The following SLIT3 variants were observed in gnomAD, a reference collection of about 807,000 sequenced individuals.
SLIT3 encodes the protein slit homolog 3 protein.
SLIT3 carries 68 observed loss-of-function variants against 184.0 expected under a neutral mutation model. The ratio of observed to expected loss-of-function variants is 0.37; its 90% CI spans 0.30 to 0.45. SLIT3 has a LOEUF of 0.45. Among genes scored for constraint, SLIT3 ranks in the 20% least tolerant of loss-of-function variants. SLIT3 has a pLI of 1.00. For missense variants in SLIT3, 1,707 were observed against 2,026.0 expected (o/e 0.84, Z 3.02); for synonymous variants, 831 against 828.6 (o/e 1.00, Z -0.05).
At chr5:169,093,084 T>A (rs1759649897) in intron 4 of SLIT3, among the ~76,000 whole-genome samples, 1 of 152,196 alleles carries the variant, frequency 6.6e-6, no homozygotes, top group Non-Finnish European at 1.5e-5. Flanking sequence ...TAAGGGCAAG[T>A]GACAGAAACT....
chr5:168,993,275 G>A (rs62378622), intron 4 of SLIT3, among the ~76,000 whole-genome samples: 5,556 of 152,310 alleles, frequency 0.036, 120 homozygotes, highest in Middle Eastern at 0.051. Context: ...CTGCTGTGAG[G>A]GTCAGGGCTC....
At chr5:168,707,640 G>T (rs939702589) in intron 26 of SLIT3, 3 of 215,210 alleles carry the variant, frequency 1.4e-5, no homozygotes, top group African/African-American at 6.9e-5. Context: ...GAAATTGGGA[G>T]AGTGGGCTCA....
intron 8 of SLIT3, among the ~76,000 whole-genome samples, chr5:168,811,680 G>A (rs777678973): frequency 6.6e-6 from 1 of 152,164 alleles, no homozygotes; most frequent in Non-Finnish European, 1.5e-5. Context: ...CCCCATCCCA[G>A]TTTGAATGGT....
chr5:168,772,720 C>T, intron 14 of SLIT3, 61 bp downstream of exon 14: 1 of 1,585,816 alleles, frequency 6.3e-7, no homozygotes, highest in Non-Finnish European at 8.6e-7. Flanking sequence ...GGATTATTGG[C>T]CTCTCTGGGG....
chr5:168,861,398 C>T (rs1428265231), intron 5 of SLIT3, among the ~76,000 whole-genome samples: 1 of 147,592 alleles, frequency 6.8e-6, no homozygotes, highest in Non-Finnish European at 1.5e-5. Context: ...GTCCCCAACC[C>T]CTGCCCCCCG....
chr5:169,246,764 C>T (rs988976370), intron 2 of SLIT3, among the ~76,000 whole-genome samples: 4 of 151,256 alleles, frequency 2.6e-5, no homozygotes, highest in African/African-American at 9.7e-5. Flanking sequence ...ACTGAAAATA[C>T]AAAAATGAGC....
intron 21 of SLIT3, 90 bp from the exon 22 acceptor site, chr5:168,723,094 C>T: frequency 2.3e-6 from 2 of 858,238 alleles, no homozygotes; most frequent in Non-Finnish European, 4.0e-6. Flanking sequence ...CTGCCATCCA[C>T]CCACTCATCT....
At chr5:168,738,024 G>C (rs912147029) in intron 20 of SLIT3, among the ~76,000 whole-genome samples, 1 of 152,124 alleles carries the variant, frequency 6.6e-6, no homozygotes, top group Non-Finnish European at 1.5e-5. Context: ...TTTTAAATTA[G>C]GAACTTCGTG....
chr5:169,049,315 G>C (rs1757738827), intron 4 of SLIT3, among the ~76,000 whole-genome samples: 1 of 152,152 alleles, frequency 6.6e-6, no homozygotes, highest in East Asian at 1.9e-4. Flanking sequence ...TGGGGGAGGG[G>C]GTTCCTCCAA....
chr5:169,009,534 A>G (rs1756060949), intron 4 of SLIT3, among the ~76,000 whole-genome samples: 1 of 152,240 alleles, frequency 6.6e-6, no homozygotes, highest in African/African-American at 2.4e-5. Flanking sequence ...AACCTGTAGT[A>G]AACCAGGGTT....
chr5:169,002,347 A>AAAAAAAAAG, intron 4 of SLIT3, among the ~76,000 whole-genome samples: 2 of 147,762 alleles, frequency 1.4e-5, no homozygotes, highest in Admixed American at 6.7e-5. Flanking sequence ...AAAAAAAAAA[A>AAAAAAAAAG]AAAAAAAAGA....
At chr5:168,968,549 A>T (rs62377236) in intron 4 of SLIT3, among the ~76,000 whole-genome samples, 6,032 of 152,332 alleles carry the variant, frequency 0.04, 158 homozygotes, top group Middle Eastern at 0.065. Context: ...GTATACCCTT[A>T]GAAAGCACCT....
intron 12 of SLIT3, 112 bp from the exon 13 acceptor site, chr5:168,774,490 C>G (rs989794236): frequency 4.5e-6 from 5 of 1,105,932 alleles, no homozygotes; most frequent in East Asian, 2.4e-5. Context: ...ATCCTTGCAG[C>G]CTTGAGCTCC....
At chr5:168,947,492 A>C (rs185519212) in intron 4 of SLIT3, among the ~76,000 whole-genome samples, 2 of 152,260 alleles carry the variant, frequency 1.3e-5, no homozygotes, top group African/African-American at 4.8e-5. Flanking sequence ...GTGGCCCAAA[A>C]AGGAGGCATA....
chr5:168,784,353 G>A (rs1404154379), intron 12 of SLIT3, among the ~76,000 whole-genome samples: 1 of 152,150 alleles, frequency 6.6e-6, no homozygotes, highest in African/African-American at 2.4e-5. Context: ...GCCCACCAAA[G>A]GCTGGGACCG....
At chr5:169,017,781 G>C (rs964367479) in intron 4 of SLIT3, 1 of 152,176 alleles carries the variant, frequency 6.6e-6, no homozygotes, top group Non-Finnish European at 1.5e-5. Context: ...AAAAGCTTAA[G>C]GAACAGCTTA....
chr5:169,067,183 G>A (rs1041202401), intron 4 of SLIT3, among the ~76,000 whole-genome samples: 2 of 152,136 alleles, frequency 1.3e-5, no homozygotes, highest in Non-Finnish European at 2.9e-5. Context: ...GCTGAGGTGG[G>A]TGGATCACCT....
At chr5:169,138,570 G>T (rs1052848484) in intron 4 of SLIT3, among the ~76,000 whole-genome samples, 10 of 152,152 alleles carry the variant, frequency 6.6e-5, no homozygotes, top group South Asian at 4.1e-4. Context: ...TTATAGAACT[G>T]CTGGGAAGAT....
intron 4 of SLIT3, among the ~76,000 whole-genome samples, chr5:169,056,253 G>C (rs1757998816): frequency 1.3e-5 from 2 of 152,196 alleles, no homozygotes; most frequent in African/African-American, 4.8e-5. Flanking sequence ...CTCAGTGGAT[G>C]AGGACAGGGT....
Sources: allele counts gnomAD v4.1 joint callset (sites outside exome capture counted in the v4.1 genomes callset), GRCh38; gene constraint gnomAD v4.1.1; transcripts MANE v1.5; gene names NCBI Gene and HGNC (gene_info 2026-07-23, HGNC 2026-07-21).